The following TAX1BP1 variants were observed in gnomAD, a reference collection of about 807,000 sequenced individuals.
TAX1BP1 encodes the protein tax1-binding protein 1.
In TAX1BP1, 62 loss-of-function variants were observed where a neutral mutation model predicts 97.7. The ratio of observed to expected loss-of-function variants is 0.63; its 90% CI spans 0.52 to 0.78. The LOEUF (loss-of-function observed/expected upper bound fraction) is 0.78, where lower values mean the gene tolerates loss of function less well. TAX1BP1 is among the 30% of genes least tolerant of loss of function. TAX1BP1 has a pLI of 0.00. For missense variants in TAX1BP1, 867 were observed against 916.1 expected (o/e 0.95, Z 0.69); for synonymous variants, 340 against 304.2 (o/e 1.12, Z -1.23).
intron 1 of TAX1BP1, among the ~76,000 whole-genome samples, chr7:27,741,332 T>C (rs1446554856): frequency 6.6e-6 from 1 of 152,176 alleles, no homozygotes; most frequent in Non-Finnish European, 1.5e-5. Flanking sequence ...CTTTTCGGGT[T>C]TAGGGAAGGA....
chr7:27,807,678 G>A (rs554734013), intron 13 of TAX1BP1, among the ~76,000 whole-genome samples: 1 of 152,146 alleles, frequency 6.6e-6, no homozygotes, highest in African/African-American at 2.4e-5. Flanking sequence ...TAAGTAATTT[G>A]TAGGGAGATA....
intron 9 of TAX1BP1, 126 bp from the exon 10 acceptor site, chr7:27,792,932 AGCCTGGGT>A (rs1562725467): frequency 1.4e-6 from 1 of 739,980 alleles, no homozygotes; most frequent in Non-Finnish European, 2.1e-6. Context: ...ACTGTGTTTC[AGCCTGGGT>A]GACAGAGCAA....
chr7:27,826,434 A>C (rs1304777158), intron 15 of TAX1BP1, among the ~76,000 whole-genome samples: 1 of 152,068 alleles, frequency 6.6e-6, no homozygotes, highest in Non-Finnish European at 1.5e-5. Context: ...CACCATATAT[A>C]CTTTTTTTGG....
At chr7:27,823,608 TGATA>T (rs1791062145) in intron 15 of TAX1BP1, among the ~76,000 whole-genome samples, 1 of 152,342 alleles carries the variant, frequency 6.6e-6, no homozygotes, top group African/African-American at 2.4e-5. Context: ...AACTTGATCA[TGATA>T]GATGGCATTT....
chr7:27,807,285 T>G (rs1790376282), intron 13 of TAX1BP1, among the ~76,000 whole-genome samples: 1 of 152,164 alleles, frequency 6.6e-6, no homozygotes, highest in Admixed American at 6.5e-5. Context: ...ACTGACACAG[T>G]ATTATCATCT....
intron 14 of TAX1BP1, 24 bp from the exon 15 acceptor site, chr7:27,816,866 A>G: frequency 1.9e-6 from 3 of 1,613,138 alleles, no homozygotes; most frequent in Non-Finnish European, 2.5e-6. Context: ...GTTTCACTCT[A>G]CCTTTCCAAA....
At chr7:27,769,587 AT>A (rs1410805318) in intron 4 of TAX1BP1, 88 bp from the exon 5 acceptor site, 312 of 1,097,474 alleles carry the variant, frequency 2.8e-4, no homozygotes, top group South Asian at 3.3e-4. Context: ...TGTCTTCATT[AT>A]TTTTTTTGGA....
intron 8 of TAX1BP1, among the ~76,000 whole-genome samples, chr7:27,787,862 T>A (rs556295827): frequency 6.6e-6 from 1 of 152,120 alleles, no homozygotes; most frequent in Non-Finnish European, 1.5e-5. Context: ...CTAAATACTT[T>A]AGCATGTCTC....
At chr7:27,774,307 C>T (rs961013652) in intron 5 of TAX1BP1, among the ~76,000 whole-genome samples, 1 of 152,146 alleles carries the variant, frequency 6.6e-6, no homozygotes, top group Middle Eastern at 3.4e-3. Flanking sequence ...ATAGAGTTTT[C>T]CTTTTTATTC....
chr7:27,778,785 C>T (rs1789131931), intron 5 of TAX1BP1, among the ~76,000 whole-genome samples: 1 of 151,908 alleles, frequency 6.6e-6, no homozygotes, highest in Non-Finnish European at 1.5e-5. Context: ...TTGCTTGAAC[C>T]TGCGAGGTGG....
chr7:27,795,209 T>C (rs374530244), intron 11 of TAX1BP1, among the ~76,000 whole-genome samples: 2 of 152,332 alleles, frequency 1.3e-5, no homozygotes, highest in African/African-American at 4.8e-5. Flanking sequence ...TAGGACAGAA[T>C]TGAGCCTTCT....
intron 12 of TAX1BP1, 61 bp from the exon 13 acceptor site, chr7:27,799,901 TTAG>T (rs1320735360): frequency 7.4e-7 from 1 of 1,351,102 alleles, no homozygotes. Context: ...TCTAAGTACA[TTAG>T]TATAGATTTT....
intron 13 of TAX1BP1, among the ~76,000 whole-genome samples, chr7:27,801,259 T>C (rs1186562097): frequency 6.8e-6 from 1 of 146,756 alleles, no homozygotes; most frequent in Non-Finnish European, 1.5e-5. Flanking sequence ...TTTTTTTTAC[T>C]GAAGACCAGG....
At chr7:27,792,311 A>T (rs140350242) in intron 9 of TAX1BP1, 81 bp downstream of exon 9, 70 of 1,246,530 alleles carry the variant, frequency 5.6e-5, no homozygotes, top group Non-Finnish European at 7.6e-5. Context: ...GTGTTAAGAT[A>T]AGACAGGTCA....
rs372014135 is a variant in TAX1BP1, at chr7:27,776,216, G to A, written c.612+6382G>A. On this transcript the variant is annotated intron_variant, in intron 5 of 16. Transcript: ENST00000396319. ...TTAAGTATTCTTCAGTGTATTGTAA[G>A]TAATTTTAAGGATTCTTATAAAGAA... Among the ~76,000 whole-genome samples the A allele has an allele frequency of 1.8e-4, 27 of 152,216 alleles. No homozygotes were observed. The South Asian group carries it at 5.2e-3, about 29-fold the overall frequency.
intron 4 of TAX1BP1, among the ~76,000 whole-genome samples, chr7:27,766,589 C>T (rs894749738): frequency 4.6e-5 from 7 of 151,894 alleles, no homozygotes; most frequent in Non-Finnish European, 8.8e-5. Flanking sequence ...AGGGCCTATC[C>T]TTATTTTGCG....
intron 13 of TAX1BP1, among the ~76,000 whole-genome samples, chr7:27,801,953 T>G (rs1340785927): frequency 6.6e-6 from 1 of 152,154 alleles, no homozygotes; most frequent in African/African-American, 2.4e-5. Flanking sequence ...ATGGAGTAAC[T>G]AGACCTTTGA....
intron 3 of TAX1BP1, among the ~76,000 whole-genome samples, chr7:27,764,799 A>G (rs1788559662): frequency 6.6e-6 from 1 of 151,646 alleles, no homozygotes; most frequent in African/African-American, 2.4e-5. Flanking sequence ...TGGAATCATT[A>G]ATTTCTTCTG....
intron 11 of TAX1BP1, among the ~76,000 whole-genome samples, chr7:27,794,752 G>T (rs1025307700): frequency 1.3e-5 from 2 of 152,122 alleles, no homozygotes; most frequent in Non-Finnish European, 2.9e-5. Context: ...CAAAAGCCAC[G>T]AATTGAATTT....
Sources: gnomAD v4.1 joint callset for allele counts (sites outside exome capture counted in the v4.1 genomes callset) on GRCh38, gnomAD v4.1.1 for gene constraint, MANE v1.5 for transcripts, NCBI Gene and HGNC (gene_info 2026-07-23, HGNC 2026-07-21) for gene names.